MCC: variants seen among roughly 807,000 people sequenced by gnomAD.
The protein encoded by MCC is MCC regulator of Wnt signaling pathway, also known as colorectal mutant cancer protein.
MCC carries 90 observed loss-of-function variants against 116.2 expected under a neutral mutation model. The observed-to-expected ratio is 0.77, with a 90% CI of 0.65 to 0.92. MCC has a LOEUF of 0.92. Among genes scored for constraint, MCC ranks in the 40% least tolerant of loss-of-function variants. The pLI is 0.00. For synonymous variants in MCC, 578 were observed against 510.5 expected, an observed-to-expected ratio of 1.13 and a Z score of -1.78; for missense variants, 1,516 against 1,312.2, an observed-to-expected ratio of 1.16 and a Z score of -2.40.
intron 1 of MCC, among the ~76,000 whole-genome samples, chr5:113,465,277 C>T (rs1203477836): frequency 6.6e-6 from 1 of 151,088 alleles, no homozygotes; most frequent in Non-Finnish European, 1.5e-5. Context: ...TATGTATTTT[C>T]AAGTCAGTAG....
intron 1 of MCC, among the ~76,000 whole-genome samples, chr5:113,457,187 G>C (rs1197117983): frequency 1.3e-5 from 2 of 152,212 alleles, no homozygotes; most frequent in African/African-American, 2.4e-5. Context: ...CAGCGCTTGC[G>C]GGCCAGCTGG....
chr5:113,298,847 A>T (rs181393664), intron 3 of MCC, among the ~76,000 whole-genome samples: 1 of 152,356 alleles, frequency 6.6e-6, no homozygotes, highest in East Asian at 1.9e-4. Context: ...GGAAACGAAG[A>T]CTAATGATAA....
At chr5:113,095,805 G>C (rs965518393) in intron 8 of MCC, among the ~76,000 whole-genome samples, 1 of 152,132 alleles carries the variant, frequency 6.6e-6, no homozygotes, top group Non-Finnish European at 1.5e-5. Context: ...TTTAATCTGG[G>C]GGGTGTCTAG....
chr5:113,196,215 C>T (rs1315923039), intron 3 of MCC, among the ~76,000 whole-genome samples: 1 of 152,190 alleles, frequency 6.6e-6, no homozygotes, highest in Non-Finnish European at 1.5e-5. Flanking sequence ...TGTGCCAACA[C>T]CTAGTGCTGG....
At chr5:113,231,172 T>G (rs148717708) in intron 3 of MCC, among the ~76,000 whole-genome samples, 2 of 152,140 alleles carry the variant, frequency 1.3e-5, no homozygotes, top group Non-Finnish European at 2.9e-5. Context: ...TTTTGTTTTG[T>G]TTTTTACTGA....
intron 1 of MCC, among the ~76,000 whole-genome samples, chr5:113,399,310 C>T (rs972217003): frequency 6.6e-6 from 1 of 152,016 alleles, no homozygotes; most frequent in African/African-American, 2.4e-5. Context: ...AAGGTGAAAC[C>T]CTGTCTCTAC....
intron 3 of MCC, among the ~76,000 whole-genome samples, chr5:113,166,717 A>C (rs917958410): frequency 4.0e-5 from 6 of 148,516 alleles, no homozygotes; most frequent in Admixed American, 6.7e-5. Flanking sequence ...AAAAAAAAAA[A>C]AAAAACAACC....
chr5:113,335,225 C>G (rs1030712362), intron 3 of MCC, among the ~76,000 whole-genome samples: 2 of 151,638 alleles, frequency 1.3e-5, no homozygotes, highest in South Asian at 2.1e-4. Flanking sequence ...AAAAGCAATT[C>G]AAGAATACAT....
chr5:113,172,912 C>A (rs1347172690), intron 3 of MCC, among the ~76,000 whole-genome samples: 1 of 151,944 alleles, frequency 6.6e-6, no homozygotes, highest in East Asian at 1.9e-4. Flanking sequence ...AAATAGTCTT[C>A]ATTTTCTTGA....
intron 10 of MCC, among the ~76,000 whole-genome samples, chr5:113,083,709 C>T (rs1244646801): frequency 2.0e-5 from 3 of 152,252 alleles, no homozygotes; most frequent in South Asian, 2.1e-4. Flanking sequence ...CAACATTCCT[C>T]CTCAGTGGAA....
chr5:113,379,343 AGAT>A (rs758183475), intron 2 of MCC, among the ~76,000 whole-genome samples: 1 of 152,236 alleles, frequency 6.6e-6, no homozygotes, highest in Non-Finnish European at 1.5e-5. Flanking sequence ...CAAGGATTAG[AGAT>A]GATAATGATA....
chr5:113,341,600 T>G (rs528523343), intron 2 of MCC, among the ~76,000 whole-genome samples: 16 of 152,206 alleles, frequency 1.1e-4, no homozygotes, highest in Admixed American at 6.5e-4. Flanking sequence ...ACAGAAATGA[T>G]AAGCATCACT....
intron 12 of MCC, among the ~76,000 whole-genome samples, chr5:113,068,636 T>C (rs1456791401): frequency 1.3e-5 from 2 of 152,208 alleles, no homozygotes; most frequent in Non-Finnish European, 2.9e-5. Context: ...CTGACTTCCA[T>C]CTTGGTCACT....
intron 3 of MCC, among the ~76,000 whole-genome samples, chr5:113,273,259 T>G (rs1200046815): frequency 6.6e-6 from 1 of 152,198 alleles, no homozygotes; most frequent in Non-Finnish European, 1.5e-5. Flanking sequence ...CATGAGTATG[T>G]GTCCTTTCCC....
chr5:113,071,836 T>A (rs1297768004), intron 11 of MCC, among the ~76,000 whole-genome samples: 1 of 152,112 alleles, frequency 6.6e-6, no homozygotes, highest in Non-Finnish European at 1.5e-5. Context: ...GAAGAATCAG[T>A]GAGTGAACAG....
At chr5:113,113,878 G>A (rs1489854497) in intron 6 of MCC, among the ~76,000 whole-genome samples, 1 of 151,978 alleles carries the variant, frequency 6.6e-6, no homozygotes, top group Admixed American at 6.5e-5. Context: ...ACTGGATCTG[G>A]GACTAAACAA....
chr5:113,411,284 T>C (rs2150402792), intron 1 of MCC, among the ~76,000 whole-genome samples: 1 of 152,328 alleles, frequency 6.6e-6, no homozygotes, highest in Non-Finnish European at 1.5e-5. Flanking sequence ...TCCTGCCTTT[T>C]TAATGATTGC....
chr5:113,027,621 A>G (rs1750649717), intron 18 of MCC, 139 bp from the exon 19 acceptor site: 2 of 818,472 alleles, frequency 2.4e-6, no homozygotes, highest in Non-Finnish European at 3.9e-6. Context: ...AGAATCTGAA[A>G]TCTAGTGGTC....
chr5:113,119,666 A>G (rs1332668494), intron 6 of MCC, among the ~76,000 whole-genome samples: 1 of 152,002 alleles, frequency 6.6e-6, no homozygotes, highest in Non-Finnish European at 1.5e-5. Context: ...CATCCCCAGT[A>G]CCTAGCACAG....
Sources: gnomAD v4.1 joint callset for allele counts (sites outside exome capture counted in the v4.1 genomes callset) on GRCh38, gnomAD v4.1.1 for gene constraint, MANE v1.5 for transcripts, NCBI Gene and HGNC (gene_info 2026-07-23, HGNC 2026-07-21) for gene names.